ZFHX3: variants seen among roughly 807,000 people sequenced by gnomAD.
The protein encoded by ZFHX3 is zinc finger homeobox 3, also known as zinc finger homeobox protein 3.
A neutral mutation model predicts 279.1 loss-of-function variants in ZFHX3; 42 were observed. The ratio of observed to expected loss-of-function variants is 0.15; its 90% confidence interval spans 0.12 to 0.19. The LOEUF is 0.19. Among genes scored for constraint, ZFHX3 ranks in the 10% least tolerant of loss-of-function variants. The pLI, the probability that ZFHX3 is intolerant of heterozygous loss-of-function variation, is 1.00. For missense variants in ZFHX3, 4,981 were observed against 4,754.0 expected (o/e 1.05, Z -1.40); for synonymous variants, 2,293 against 1,957.8 (o/e 1.17, Z -4.52).
intron 5 of ZFHX3, among the ~76,000 whole-genome samples, chr16:73,231,423 A>C (rs192854190): frequency 7.4e-4 from 112 of 152,346 alleles, no homozygotes; most frequent in African/African-American, 2.6e-3. Context: ...AGGGAAAAAG[A>C]CCACGTTTAA....
chr16:73,246,005 C>T (rs141332285), intron 5 of ZFHX3, among the ~76,000 whole-genome samples: 264 of 152,240 alleles, frequency 1.7e-3, no homozygotes, highest in Non-Finnish European at 2.9e-3. Context: ...GATTATTCCA[C>T]AGGACAGAGG....
chr16:73,623,363 A>G (rs1188710399), intron 2 of ZFHX3, among the ~76,000 whole-genome samples: 1 of 152,060 alleles, frequency 6.6e-6, no homozygotes, highest in African/African-American at 2.4e-5. Flanking sequence ...GAAGTGCAAC[A>G]TATTTTTTTT....
At chr16:73,100,146 A>G (rs558741985) in intron 7 of ZFHX3, among the ~76,000 whole-genome samples, 44 of 152,242 alleles carry the variant, frequency 2.9e-4, no homozygotes, top group African/African-American at 1.1e-3. Context: ...AACATTAGGA[A>G]GTAGCCAAAC....
At chr16:73,875,461 G>C (rs1342259394) in intron 1 of ZFHX3, among the ~76,000 whole-genome samples, 1 of 151,972 alleles carries the variant, frequency 6.6e-6, no homozygotes, top group Non-Finnish European at 1.5e-5. Context: ...CTAAAATACA[G>C]CATATAAAAA....
At position 72,796,598 on chromosome 16, in the gene ZFHX3, T is replaced by C; in HGVS notation, c.6084A>G (p.Lys2028=). The C allele has an allele frequency of 6.2e-7, 1 of 1,613,700 alleles. No homozygotes were observed. Among genetic ancestry groups the C allele is most frequent in the Non-Finnish European group, 8.5e-7 (1 of 1,179,954 alleles). Residue 2028 remains lysine (K), a synonymous_variant, in exon 9 of 10, where the codon AAA becomes AAG. Coordinates refer to ENST00000268489, the MANE Select transcript of ZFHX3 (RefSeq NM_006885.4). ...GGGTCTGGGGCCTCAGTGGGTACAG[T>C]TTATCGTAGTGGTCTCTGTACTGTT... The part of the protein sequence containing the change: ...FAKQYRDHYD[K]LYPLRPQTPE...
chr16:73,411,065 G>C (rs1254175853), intron 3 of ZFHX3, among the ~76,000 whole-genome samples: 1 of 152,190 alleles, frequency 6.6e-6, no homozygotes, highest in Non-Finnish European at 1.5e-5. Context: ...GAGCACTTCT[G>C]AATATGTCAC....
chr16:73,632,831 C>T (rs908581985), intron 2 of ZFHX3, among the ~76,000 whole-genome samples: 5 of 152,200 alleles, frequency 3.3e-5, no homozygotes, highest in African/African-American at 1.2e-4. Flanking sequence ...AATCCCAGCA[C>T]TTTGGGAGGC....
At chr16:73,419,073 G>A (rs979045496) in intron 3 of ZFHX3, among the ~76,000 whole-genome samples, 5 of 152,202 alleles carry the variant, frequency 3.3e-5, no homozygotes, top group Admixed American at 6.5e-5. Flanking sequence ...CTTCAGCGAC[G>A]TTTGACAACA....
intron 1 of ZFHX3, among the ~76,000 whole-genome samples, chr16:73,726,601 C>A (rs768868825): frequency 2.0e-5 from 3 of 152,150 alleles, no homozygotes; most frequent in Non-Finnish European, 4.4e-5. Context: ...TATATAAGCA[C>A]GGCACTGGCA....
At chr16:73,027,008 C>T (rs370626470) in intron 1 of ZFHX3, among the ~76,000 whole-genome samples, 1 of 152,370 alleles carries the variant, frequency 6.6e-6, no homozygotes, top group East Asian at 1.9e-4. Flanking sequence ...TACTCACCTA[C>T]ACCACATGAT....
chr16:73,466,179 T>C (rs201752136), intron 2 of ZFHX3, among the ~76,000 whole-genome samples: 1 of 80,776 alleles, frequency 1.2e-5, no homozygotes, highest in Non-Finnish European at 2.9e-5. Context: ...TTCAATCGCA[T>C]GAAAAAAAAA....
intron 2 of ZFHX3, among the ~76,000 whole-genome samples, chr16:73,592,786 A>G (rs1224283654): frequency 6.6e-6 from 1 of 152,164 alleles, no homozygotes; most frequent in African/African-American, 2.4e-5. Flanking sequence ...AAAAGAGCAG[A>G]AACAAATGGA....
chr16:73,756,675 C>A (rs1307357722), intron 1 of ZFHX3, among the ~76,000 whole-genome samples: 1 of 152,016 alleles, frequency 6.6e-6, no homozygotes, highest in Non-Finnish European at 1.5e-5. Context: ...AGCTTGGGTC[C>A]GGAAAGCCCA....
chr16:73,316,020 G>T (rs62054759), intron 4 of ZFHX3, among the ~76,000 whole-genome samples: 1 of 152,066 alleles, frequency 6.6e-6, no homozygotes, highest in South Asian at 2.1e-4. Context: ...GTTGGAAACC[G>T]CTGGCCCGCA....
intron 4 of ZFHX3, among the ~76,000 whole-genome samples, chr16:73,308,118 T>C (rs1387757567): frequency 1.3e-5 from 2 of 151,668 alleles, no homozygotes; most frequent in Non-Finnish European, 2.9e-5. Flanking sequence ...TAGAAAATAC[T>C]TGTCGGAGAG....
intron 3 of ZFHX3, among the ~76,000 whole-genome samples, chr16:73,429,294 C>A (rs946800187): frequency 6.6e-6 from 1 of 152,128 alleles, no homozygotes; most frequent in African/African-American, 2.4e-5. Context: ...CTGCTACTCA[C>A]CTCCTATCAA....
At chr16:73,642,459 T>C (rs2052582525) in intron 2 of ZFHX3, among the ~76,000 whole-genome samples, 1 of 152,326 alleles carries the variant, frequency 6.6e-6, no homozygotes, top group South Asian at 2.1e-4. Context: ...GGAGGATGCA[T>C]GAGTCCACAA....
chr16:73,028,164 C>T (rs56160407), intron 1 of ZFHX3, among the ~76,000 whole-genome samples: 22,467 of 152,104 alleles, frequency 0.15, 2,114 homozygotes, highest in Middle Eastern at 0.23. Context: ...GCTTCAGTCC[C>T]AAGATTCCCC....
intron 4 of ZFHX3, among the ~76,000 whole-genome samples, chr16:73,277,686 T>C (rs1218937548): frequency 6.6e-6 from 1 of 152,206 alleles, no homozygotes; most frequent in East Asian, 1.9e-4. Context: ...GCTTTGCTTA[T>C]GGTGGAAAGA....
Sources: allele counts gnomAD v4.1 joint callset (sites outside exome capture counted in the v4.1 genomes callset), GRCh38; gene constraint gnomAD v4.1.1; transcripts MANE v1.5; gene names NCBI Gene and HGNC (gene_info 2026-07-23, HGNC 2026-07-21).